Variants in SOS1 observed in about 807,000 individuals in gnomAD.
SOS1 encodes son of sevenless homolog 1.
Under a neutral mutation model 157.6 loss-of-function variants are expected in SOS1, and 25 were observed. That is an observed-to-expected ratio of 0.16 (90% CI 0.12 to 0.22). SOS1 has a LOEUF of 0.22. Among genes scored for constraint, SOS1 ranks in the 10% least tolerant of loss-of-function variants. The pLI is 1.00. For missense variants in SOS1, 1,237 were observed against 1,599.1 expected (o/e 0.77, Z 3.86); for synonymous variants, 528 against 534.0 (o/e 0.99, Z 0.16).
chr2:39,107,294 G>C (rs1289919575), intron 1 of SOS1, among the ~76,000 whole-genome samples: 1 of 152,024 alleles, frequency 6.6e-6, no homozygotes, highest in Non-Finnish European at 1.5e-5. Flanking sequence ...TGTTTGTGTC[G>C]AGGCCAGTTT....
chr2:39,013,814 A>G, intron 12 of SOS1, 53 bp downstream of exon 12: 2 of 1,539,262 alleles, frequency 1.3e-6, no homozygotes, highest in Non-Finnish European at 9.0e-7. Flanking sequence ...ATACTTCAAC[A>G]TTGAAACGAA....
chr2:39,054,528 T>G (rs1374749950), intron 5 of SOS1, 86 bp downstream of exon 5: 5 of 774,290 alleles, frequency 6.5e-6, no homozygotes, highest in Middle Eastern at 3.6e-4. Context: ...AAATTAGTAA[T>G]GATGAACTGT....
chr2:39,050,015 T>C (rs552575649), intron 6 of SOS1, among the ~76,000 whole-genome samples: 1 of 152,238 alleles, frequency 6.6e-6, no homozygotes, highest in Non-Finnish European at 1.5e-5. Flanking sequence ...ATTCCATTCC[T>C]GATCTTGTTT....
chr2:39,033,914 G>C (rs1470623145), intron 8 of SOS1, among the ~76,000 whole-genome samples: 1 of 150,962 alleles, frequency 6.6e-6, no homozygotes, highest in African/African-American at 2.4e-5. Context: ...TTCATTACAG[G>C]CTCAGGTTAA....
intron 1 of SOS1, among the ~76,000 whole-genome samples, chr2:39,115,256 A>C (rs1036772421): frequency 2.3e-4 from 35 of 152,154 alleles, no homozygotes; most frequent in African/African-American, 7.9e-4. Flanking sequence ...CTCCCTAAAC[A>C]ACCACTGATC....
chr2:39,010,841 C>T (rs1669441548), intron 14 of SOS1, 138 bp from the exon 15 acceptor site: 1 of 649,142 alleles, frequency 1.5e-6, no homozygotes, highest in Non-Finnish European at 2.7e-6. Context: ...TCTGTGAAAA[C>T]AAGGTATAAC....
chr2:39,036,660 G>A (rs1670363213), intron 6 of SOS1, among the ~76,000 whole-genome samples: 3 of 149,514 alleles, frequency 2.0e-5, no homozygotes, highest in African/African-American at 7.3e-5. Context: ...TGCAAGCTCC[G>A]CCTCCCAAGT....
At chr2:38,988,322 A>C (rs1668613277) in intron 21 of SOS1, among the ~76,000 whole-genome samples, 1 of 152,198 alleles carries the variant, frequency 6.6e-6, no homozygotes, top group East Asian at 1.9e-4. Context: ...AAAAAAAGTA[A>C]GTAAAGCTAC....
At chr2:38,988,634 T>C (rs547393926) in intron 21 of SOS1, among the ~76,000 whole-genome samples, 3 of 152,294 alleles carry the variant, frequency 2.0e-5, no homozygotes, top group African/African-American at 7.2e-5. Context: ...ATATAGTTAA[T>C]TCAGCTTGTA....
chr2:39,048,254 T>C (rs1358774422), intron 6 of SOS1, among the ~76,000 whole-genome samples: 2 of 152,216 alleles, frequency 1.3e-5, no homozygotes, highest in Admixed American at 6.5e-5. Context: ...TGAATAATAC[T>C]GTAGTTGGGT....
At chr2:39,111,524 T>C (rs944307546) in intron 1 of SOS1, among the ~76,000 whole-genome samples, 1 of 152,132 alleles carries the variant, frequency 6.6e-6, no homozygotes. Context: ...TGAGAAGTAG[T>C]TGCCACTTTT....
chr2:39,090,050 GA>G (rs1201721765), intron 1 of SOS1, among the ~76,000 whole-genome samples: 1 of 148,956 alleles, frequency 6.7e-6, no homozygotes, highest in African/African-American at 2.5e-5. Context: ...TGAGGCCAGA[GA>G]ATCACTTAAG....
intron 10 of SOS1, among the ~76,000 whole-genome samples, chr2:39,017,268 A>T (rs907265923): frequency 6.6e-6 from 1 of 152,070 alleles, no homozygotes; most frequent in Admixed American, 6.6e-5. Context: ...AAGTTTCCAC[A>T]GCTGTGAGAT....
intron 17 of SOS1, among the ~76,000 whole-genome samples, chr2:39,003,124 T>A (rs1210311770): frequency 6.7e-6 from 1 of 149,834 alleles, no homozygotes; most frequent in Non-Finnish European, 1.5e-5. Context: ...TAGGAATTAA[T>A]AATGATTTTT....
upstream of SOS1, chr2:39,124,437 G>A (rs1421085810): frequency 6.6e-6 from 1 of 152,318 alleles, no homozygotes; most frequent in African/African-American, 2.4e-5. Flanking sequence ...GACCGAGAGG[G>A]GCGCGTCCAG....
intron 1 of SOS1, among the ~76,000 whole-genome samples, chr2:39,075,018 G>C (rs1289800860): frequency 1.3e-5 from 2 of 152,128 alleles, no homozygotes; most frequent in Non-Finnish European, 2.9e-5. Flanking sequence ...AAGTGATCAG[G>C]GTAGCAGAAA....
At chr2:39,064,113 T>G (rs1479299399) in intron 2 of SOS1, among the ~76,000 whole-genome samples, 3 of 152,188 alleles carry the variant, frequency 2.0e-5, no homozygotes, top group African/African-American at 7.2e-5. Context: ...AGATTACATG[T>G]GTGATCCAGC....
intron 1 of SOS1, among the ~76,000 whole-genome samples, chr2:39,115,607 T>C (rs1673621293): frequency 6.6e-6 from 1 of 151,946 alleles, no homozygotes; most frequent in African/African-American, 2.4e-5. Flanking sequence ...TGGCTAATTT[T>C]TTAAGTTTTT....
chr2:39,065,703 A>G (rs915260720), intron 2 of SOS1, among the ~76,000 whole-genome samples: 4 of 152,178 alleles, frequency 2.6e-5, no homozygotes, highest in African/African-American at 7.2e-5. Context: ...TTTCTGGTTA[A>G]AAGTCTTGGC....
Sources: allele counts gnomAD v4.1 joint callset (sites outside exome capture counted in the v4.1 genomes callset), GRCh38; gene constraint gnomAD v4.1.1; transcripts MANE v1.5; gene names NCBI Gene and HGNC (gene_info 2026-07-23, HGNC 2026-07-21).